Variants in SAMD8 observed in about 807,000 individuals in gnomAD.
The protein encoded by SAMD8 is sterile alpha motif domain containing 8, also known as sphingomyelin synthase-related protein 1.
A neutral mutation model predicts 42.0 loss-of-function variants in SAMD8; 20 were observed. That is an observed-to-expected ratio of 0.48 (90% confidence interval 0.34 to 0.69). The LOEUF is 0.69. Ranked by LOEUF, SAMD8 falls within the 30% of genes least tolerant of loss-of-function variation. SAMD8 has a pLI of 0.01. For missense variants in SAMD8, 328 were observed against 511.6 expected (o/e 0.64, Z 3.46); for synonymous variants, 162 against 173.0 (o/e 0.94, Z 0.50).
chr10:75,170,851 G>T (rs1177233002), intron 4 of SAMD8, among the ~76,000 whole-genome samples: 2 of 141,962 alleles, frequency 1.4e-5, no homozygotes, highest in Non-Finnish European at 1.5e-5. Context: ...TTGGCTCACT[G>T]CAACCTCCTC....
intron 1 of SAMD8, among the ~76,000 whole-genome samples, chr10:75,135,192 C>T (rs1849363508): frequency 6.6e-6 from 1 of 152,184 alleles, no homozygotes; most frequent in East Asian, 1.9e-4. Flanking sequence ...ATGGCTTATG[C>T]CTGTAATCCC....
intron 1 of SAMD8, among the ~76,000 whole-genome samples, chr10:75,121,898 G>A (rs1849014060): frequency 6.6e-6 from 1 of 151,990 alleles, no homozygotes; most frequent in Non-Finnish European, 1.5e-5. Context: ...CACCATGTTG[G>A]CCAGGCTGGT....
chr10:75,166,351 A>C (rs540108892), intron 3 of SAMD8, among the ~76,000 whole-genome samples: 1 of 151,950 alleles, frequency 6.6e-6, no homozygotes, highest in East Asian at 1.9e-4. Context: ...AGAGCTCCTG[A>C]GGGGCTTTTT....
At chr10:75,140,830 T>A (rs1839993271) in intron 1 of SAMD8, among the ~76,000 whole-genome samples, 1 of 152,212 alleles carries the variant, frequency 6.6e-6, no homozygotes, top group Admixed American at 6.5e-5. Flanking sequence ...AATGTGCAGA[T>A]AAGTTTGGGG....
At position 75,150,628 on chromosome 10, in the gene SAMD8, T is replaced by C; in HGVS notation, c.100T>C (p.Cys34Arg). 6.2e-7 allele frequency: 1 copy of C among 1,614,222 alleles called. No individual in the cohort carries two copies. Among genetic ancestry groups the C allele is most frequent in the Non-Finnish European group, 8.5e-7 (1 of 1,180,038 alleles). Residue 34 changes from cysteine (C) to arginine (R), a missense_variant, in exon 2 of 6, where the codon TGC becomes CGC. Around this residue, in one of 2 missense-constraint regions of SAMD8, gnomAD observed 150 missense variants for 186.0 expected, o/e 0.81. Transcript: ENST00000542569. The stretch of plus-strand genomic sequence containing the variant: ...CTTTTTTGAATATGTGGACATTTTA[T>C]GCAATAAGCACCGACTTGATGGAAT... ...EGFFEYVDIL[C>R]NKHRLDGITL...
Position 75,181,753 on chromosome 10 carries a change from C to G in SAMD8, c.*5061C>G, listed in dbSNP as rs2132229831. On this transcript the variant is annotated 3_prime_UTR_variant, in exon 6 of 6. Transcript: ENST00000542569. ...CAATATTATCAATTAGTAATGTCAT[C>G]TTAAAAATGTTCACTTTTACTAAGT... 1 of 152,268 alleles carries G rather than the reference C, an allele frequency of 6.6e-6. No individual in the cohort carries two copies. Among genetic ancestry groups the G allele is most frequent in the South Asian group, 2.1e-4 (1 of 4,830 alleles). The allele number at this position is 152,268 out of a possible 1,614,324, so 9.4% of individuals were successfully genotyped here.
At chr10:75,172,525 T>G (rs1840893305) in intron 4 of SAMD8, among the ~76,000 whole-genome samples, 1 of 148,798 alleles carries the variant, frequency 6.7e-6, no homozygotes, top group African/African-American at 2.5e-5. Context: ...TTAGACGGAG[T>G]CTTTCTCTGT....
chr10:75,167,500 A>G (rs2132204603), intron 3 of SAMD8, among the ~76,000 whole-genome samples: 1 of 152,322 alleles, frequency 6.6e-6, no homozygotes, highest in South Asian at 2.1e-4. Flanking sequence ...TTCTGGGATT[A>G]TAGACATGAG....
At chr10:75,101,944 G>A (rs533596604) in intron 1 of SAMD8, 30 of 1,367,634 alleles carry the variant, frequency 2.2e-5, no homozygotes, top group East Asian at 4.5e-5. Context: ...GCCTGTCTCC[G>A]CACACTTGAT....
chr10:75,148,346 C>CTTTGTTTTTTTTTTT (rs1840193320), intron 1 of SAMD8, among the ~76,000 whole-genome samples: 1 of 82,564 alleles, frequency 1.2e-5, no homozygotes, highest in Non-Finnish European at 2.0e-5. Context: ...GCAATACCAG[C>CTTTGTTTTTTTTTTT]TTTTTTTTTT....
At chr10:75,140,105 A>T (rs900269561) in intron 1 of SAMD8, among the ~76,000 whole-genome samples, 1 of 152,194 alleles carries the variant, frequency 6.6e-6, no homozygotes, top group East Asian at 1.9e-4. Flanking sequence ...CTATATATGT[A>T]TAGGTTTGTT....
At chr10:75,100,895 A>T (rs961027219) in intron 1 of SAMD8, among the ~76,000 whole-genome samples, 2 of 152,234 alleles carry the variant, frequency 1.3e-5, no homozygotes, top group African/African-American at 4.8e-5. Context: ...TGCCCAAGAC[A>T]TCGGGCAGAG....
upstream of SAMD8, chr10:75,109,218 T>A (rs1848705054): frequency 2.0e-6 from 3 of 1,466,420 alleles, no homozygotes; most frequent in African/African-American, 1.4e-5. Context: ...CCAGTGTCAT[T>A]TCTCCTTCCC....
intron 1 of SAMD8, among the ~76,000 whole-genome samples, chr10:75,127,206 T>A (rs902348908): frequency 1.5e-5 from 2 of 137,086 alleles, no homozygotes; most frequent in Non-Finnish European, 3.1e-5. Context: ...AAAAAAAAAA[T>A]CTTTGTTATG....
upstream of SAMD8, chr10:75,111,617 G>C: frequency 2.1e-5 from 26 of 1,248,106 alleles, no homozygotes; most frequent in Non-Finnish European, 2.6e-5. Context: ...CGCCCCCGCC[G>C]CTTGAGGCGC....
At chr10:75,168,090 G>A (rs1420228104) in intron 3 of SAMD8, among the ~76,000 whole-genome samples, 2 of 151,220 alleles carry the variant, frequency 1.3e-5, no homozygotes, top group African/African-American at 4.9e-5. Context: ...TCCACCTCCC[G>A]GGTTCAAGTG....
intron 1 of SAMD8, among the ~76,000 whole-genome samples, chr10:75,120,774 CTTTTT>C (rs111866437): frequency 2.5e-5 from 2 of 80,168 alleles, no homozygotes; most frequent in East Asian, 4.7e-4. Flanking sequence ...TAATTTCCAT[CTTTTT>C]TTTTTTTTTT....
chr10:75,159,353 C>A (rs1218686294), intron 2 of SAMD8, among the ~76,000 whole-genome samples: 1 of 152,092 alleles, frequency 6.6e-6, no homozygotes, highest in Admixed American at 6.6e-5. Context: ...GCCACCACAC[C>A]CAGCGGGACA....
intron 1 of SAMD8, among the ~76,000 whole-genome samples, chr10:75,117,251 CG>C (rs1564674734): frequency 6.6e-6 from 1 of 151,152 alleles, no homozygotes; most frequent in Non-Finnish European, 1.5e-5. Flanking sequence ...AGTGAGACCT[CG>C]TCTCTACTAA....
Sources: gnomAD v4.1 joint callset for allele counts (sites outside exome capture counted in the v4.1 genomes callset) on GRCh38, gnomAD v4.1.1 for gene constraint, gnomAD v4.1.1 regional missense constraint, MANE v1.5 for transcripts, NCBI Gene and HGNC (gene_info 2026-07-23, HGNC 2026-07-21) for gene names.